Variants in PRKD3 observed in about 807,000 individuals in gnomAD.
PRKD3 encodes the protein serine/threonine-protein kinase D3.
PRKD3 carries 47 observed loss-of-function variants against 99.2 expected under a neutral mutation model. That is an observed-to-expected ratio of 0.47 (90% CI 0.38 to 0.60). The LOEUF is 0.60. PRKD3 is among the 20% of genes least tolerant of loss of function. The probability of loss-of-function intolerance (pLI) is 0.00; values close to 1 mark genes in which losing one functional copy is unlikely to be tolerated. For synonymous variants in PRKD3, 392 were observed against 355.4 expected (o/e 1.10, Z -1.16); for missense variants, 1,019 against 1,088.4 (o/e 0.94, Z 0.90).
At chr2:37,278,091 T>A in intron 8 of PRKD3, 102 bp from the exon 9 acceptor site, 1 of 960,080 alleles carries the variant, frequency 1.0e-6, no homozygotes, top group Non-Finnish European at 1.4e-6. Context: ...AGCTAAAATT[T>A]TTCAAAATAT....
chr2:37,301,925 C>T (rs929947610), intron 2 of PRKD3, among the ~76,000 whole-genome samples: 10 of 152,330 alleles, frequency 6.6e-5, no homozygotes, highest in Non-Finnish European at 1.5e-4. Flanking sequence ...GTTTTCACAA[C>T]TTGAGCTAGT....
intron 5 of PRKD3, 100 bp from the exon 6 acceptor site, chr2:37,286,469 C>T (rs192806682): frequency 2.1e-6 from 2 of 973,672 alleles, no homozygotes; most frequent in African/African-American, 3.3e-5. Flanking sequence ...AACACTAAAG[C>T]CAAAAAACTC....
intron 7 of PRKD3, chr2:37,282,273 CTTTT>C (rs1046464029): frequency 5.3e-6 from 2 of 377,210 alleles, no homozygotes; most frequent in African/African-American, 4.1e-5. Context: ...AAAACAAGTT[CTTTT>C]ATGTCTAAAA....
chr2:37,290,325 C>T (rs1264700814), intron 4 of PRKD3, among the ~76,000 whole-genome samples: 4 of 152,064 alleles, frequency 2.6e-5, no homozygotes. Context: ...GTCACCCAGG[C>T]AGGTTCAAGC....
At chr2:37,322,342 C>A (rs767332479) in intron 1 of PRKD3, among the ~76,000 whole-genome samples, 5 of 152,154 alleles carry the variant, frequency 3.3e-5, no homozygotes, top group Non-Finnish European at 7.4e-5. Flanking sequence ...TTCAAAAATA[C>A]CTATTACTTT....
At chr2:37,255,155 C>T (rs996006544) in intron 17 of PRKD3, among the ~76,000 whole-genome samples, 1 of 152,200 alleles carries the variant, frequency 6.6e-6, no homozygotes, top group Non-Finnish European at 1.5e-5. Flanking sequence ...TCTGAGATAA[C>T]ACTGGTTAAC....
chr2:37,321,360 C>G (rs2124911600), intron 1 of PRKD3, among the ~76,000 whole-genome samples: 1 of 152,094 alleles, frequency 6.6e-6, no homozygotes, highest in East Asian at 1.9e-4. Context: ...GCATCTTGAA[C>G]CCAGTCTGTC....
chr2:37,276,471 ACT>A (rs1203141327), intron 9 of PRKD3, among the ~76,000 whole-genome samples: 6 of 151,226 alleles, frequency 4.0e-5, no homozygotes, highest in Non-Finnish European at 7.4e-5. Flanking sequence ...TTCCTGTGAA[ACT>A]CTCTGTTCAT....
intron 9 of PRKD3, among the ~76,000 whole-genome samples, chr2:37,276,949 C>A (rs1387565139): frequency 6.6e-6 from 1 of 151,776 alleles, no homozygotes; most frequent in Non-Finnish European, 1.5e-5. Flanking sequence ...CTTTGATATA[C>A]CATTAAATTC....
At chr2:37,321,737 AG>A (rs1259985870) in intron 1 of PRKD3, among the ~76,000 whole-genome samples, 1 of 152,238 alleles carries the variant, frequency 6.6e-6, no homozygotes, top group East Asian at 1.9e-4. Context: ...GATATGGCAG[AG>A]TATACTAAGG....
intron 7 of PRKD3, among the ~76,000 whole-genome samples, chr2:37,280,703 G>A (rs1001327647): frequency 3.9e-5 from 6 of 152,042 alleles, no homozygotes; most frequent in African/African-American, 1.4e-4. Context: ...CCTTGGTTAG[G>A]CAAAGCTTTC....
At position 37,274,516 on chromosome 2, in the gene PRKD3, A is replaced by C; in HGVS notation, c.1556T>G (p.Val519Gly). The change falls in exon 11 of 19, where the codon GTA becomes GGA. Residue 519 changes from valine (V) to glycine (G), a missense_variant. Physicochemically the swap from Val to Gly is moderately radical, Grantham distance 109. Coordinates refer to ENST00000234179, the MANE Select transcript of PRKD3 (RefSeq NM_005813.6). ...AATTGCTTTTTCCCAGCTCTGTGCTACATCAAGTCCAACTCCAGTGGCAGC... is the reference window on the plus strand; with the variant it reads ...AATTGCTTTTTCCCAGCTCTGTGCTCCATCAAGTCCAACTCCAGTGGCAGC... ...VLAATGVGLD[V>G]AQSWEKAIRQ... 1 of 1,614,166 alleles carries C rather than the reference A, an allele frequency of 6.2e-7. No individual in the cohort carries two copies. The highest frequency in any genetic ancestry group is 8.5e-7 in the Non-Finnish European group (1 of 1,180,002).
chr2:37,320,620 C>T (rs931496634), intron 1 of PRKD3, among the ~76,000 whole-genome samples: 3 of 151,628 alleles, frequency 2.0e-5, no homozygotes, highest in South Asian at 2.1e-4. Flanking sequence ...TTAGTAGAGA[C>T]GGGGTTTCAT....
intron 14 of PRKD3, among the ~76,000 whole-genome samples, chr2:37,263,208 T>C (rs1433084656): frequency 1.3e-5 from 2 of 152,196 alleles, no homozygotes; most frequent in Non-Finnish European, 2.9e-5. Context: ...AAGGCGCTGA[T>C]ATATATGCAG....
intron 2 of PRKD3, among the ~76,000 whole-genome samples, chr2:37,301,669 C>G (rs1017630403): frequency 2.0e-5 from 3 of 152,164 alleles, no homozygotes; most frequent in African/African-American, 7.2e-5. Flanking sequence ...TGTACTAATG[C>G]TGTTGTCTCT....
intron 2 of PRKD3, among the ~76,000 whole-genome samples, chr2:37,305,543 C>G (rs1488868835): frequency 2.6e-5 from 4 of 152,214 alleles, no homozygotes; most frequent in Admixed American, 6.5e-5. Context: ...TGGAGAAGTG[C>G]TATTGAGTGC....
At chr2:37,297,704 C>T (rs548617965) in intron 2 of PRKD3, among the ~76,000 whole-genome samples, 1 of 152,224 alleles carries the variant, frequency 6.6e-6, no homozygotes, top group South Asian at 2.1e-4. Context: ...GGAGGCCTTT[C>T]TACTGGAATT....
chr2:37,322,856 A>G (rs1018362966), intron 1 of PRKD3, among the ~76,000 whole-genome samples: 3 of 152,198 alleles, frequency 2.0e-5, no homozygotes, highest in Non-Finnish European at 4.4e-5. Context: ...AAGCAGCATT[A>G]TATCAAATTA....
rs116677416 is a variant in PRKD3, at chr2:37,315,263, A to G, written c.288+974T>C. Among the ~76,000 whole-genome samples, 671 of 152,332 alleles carry G rather than the reference A, an allele frequency of 4.4e-3. 2 individuals are homozygous for G. Among genetic ancestry groups the G allele is most frequent in the Middle Eastern group, 0.01 (3 of 294 alleles). On this transcript the variant is annotated intron_variant, in intron 2 of 18. Coordinates refer to ENST00000234179, the MANE Select transcript of PRKD3 (RefSeq NM_005813.6). ...AAAACATACTAGCCTCATCCATCAAATCGGGATTATTAAAGATATTTAGCT... is the reference window on the plus strand; with the variant it reads ...AAAACATACTAGCCTCATCCATCAAGTCGGGATTATTAAAGATATTTAGCT...
Sources: gnomAD v4.1 joint callset for allele counts (sites outside exome capture counted in the v4.1 genomes callset) on GRCh38, gnomAD v4.1.1 for gene constraint, MANE v1.5 for transcripts, NCBI Gene and HGNC (gene_info 2026-07-23, HGNC 2026-07-21) for gene names.